ADAMTSL3: variants seen among roughly 807,000 people sequenced by gnomAD.
ADAMTSL3 encodes the protein ADAMTS like 3.
In ADAMTSL3, 128 loss-of-function variants were observed where a neutral mutation model predicts 201.7. The ratio of observed to expected loss-of-function variants is 0.63; its 90% confidence interval spans 0.55 to 0.73. The LOEUF is 0.73. Among genes scored for constraint, ADAMTSL3 ranks in the 30% least tolerant of loss-of-function variants. The probability of loss-of-function intolerance (pLI) is 0.00; values close to 1 mark genes in which losing one functional copy is unlikely to be tolerated. For synonymous variants in ADAMTSL3, 738 were observed against 748.4 expected (o/e 0.99, Z 0.23); for missense variants, 1,990 against 2,119.6 (o/e 0.94, Z 1.20).
intron 4 of ADAMTSL3, among the ~76,000 whole-genome samples, chr15:83,800,119 TA>T (rs1423947289): frequency 6.7e-6 from 1 of 148,590 alleles, no homozygotes; most frequent in African/African-American, 2.6e-5. Flanking sequence ...TGGTTGGGTT[TA>T]AAAATAAAAA....
At chr15:83,751,874 G>A (rs2062642120) in intron 3 of ADAMTSL3, among the ~76,000 whole-genome samples, 1 of 151,928 alleles carries the variant, frequency 6.6e-6, no homozygotes, top group Non-Finnish European at 1.5e-5. Context: ...AATAGTTTGG[G>A]GGCAAATACC....
intron 3 of ADAMTSL3, among the ~76,000 whole-genome samples, chr15:83,705,567 G>A (rs2061838578): frequency 3.9e-5 from 6 of 152,226 alleles, no homozygotes; most frequent in Admixed American, 3.9e-4. Context: ...CTGGAGCTAG[G>A]CAGAGTGCTG....
chr15:83,853,052 G>A (rs1596316057), intron 7 of ADAMTSL3, among the ~76,000 whole-genome samples: 1 of 151,756 alleles, frequency 6.6e-6, no homozygotes, highest in Non-Finnish European at 1.5e-5. Context: ...ATGGGGTTTC[G>A]CCATGTTGGC....
At chr15:83,791,585 G>T (rs902822489) in intron 4 of ADAMTSL3, among the ~76,000 whole-genome samples, 1 of 152,154 alleles carries the variant, frequency 6.6e-6, no homozygotes, top group Non-Finnish European at 1.5e-5. Context: ...AACGCCAGGC[G>T]CAGTGGCTCA....
chr15:83,877,761 C>T (rs1017059403), intron 9 of ADAMTSL3, among the ~76,000 whole-genome samples: 79 of 152,186 alleles, frequency 5.2e-4, no homozygotes, highest in African/African-American at 1.8e-3. Context: ...TAAAATTTCT[C>T]TCAATAATGT....
chr15:83,761,862 CA>C (rs2062812784), intron 3 of ADAMTSL3, among the ~76,000 whole-genome samples: 1 of 152,098 alleles, frequency 6.6e-6, no homozygotes, highest in African/African-American at 2.4e-5. Flanking sequence ...TAGAAAAGAA[CA>C]AGCTACTTGT....
intron 4 of ADAMTSL3, among the ~76,000 whole-genome samples, chr15:83,782,470 C>A (rs2063187261): frequency 6.6e-6 from 1 of 151,982 alleles, no homozygotes; most frequent in Admixed American, 6.6e-5. Flanking sequence ...GAGTGAGACT[C>A]CTCCTCCTCA....
intron 21 of ADAMTSL3, among the ~76,000 whole-genome samples, chr15:83,986,572 A>G (rs1006701797): frequency 5.9e-5 from 9 of 152,202 alleles, no homozygotes; most frequent in African/African-American, 2.2e-4. Flanking sequence ...TTTTCCTCCA[A>G]AACCTACCCA....
At chr15:83,872,619 C>CAA (rs2065102653) in intron 9 of ADAMTSL3, among the ~76,000 whole-genome samples, 1 of 113,562 alleles carries the variant, frequency 8.8e-6, no homozygotes, top group Non-Finnish European at 1.9e-5. Flanking sequence ...CACACACACA[C>CAA]ACACACACAG....
chr15:83,908,614 G>C (rs2065881174), intron 15 of ADAMTSL3, among the ~76,000 whole-genome samples: 1 of 152,114 alleles, frequency 6.6e-6, no homozygotes, highest in Admixed American at 6.5e-5. Flanking sequence ...TCCTGGTTTT[G>C]AATGTTGTGT....
At chr15:83,990,523 G>A (rs2067563257) in intron 22 of ADAMTSL3, among the ~76,000 whole-genome samples, 1 of 152,108 alleles carries the variant, frequency 6.6e-6, no homozygotes, top group Admixed American at 6.5e-5. Context: ...TGTTTACATT[G>A]GAAAAAACCT....
chr15:83,837,517 A>G (rs1340977813), intron 6 of ADAMTSL3, among the ~76,000 whole-genome samples: 1 of 152,120 alleles, frequency 6.6e-6, no homozygotes, highest in Non-Finnish European at 1.5e-5. Context: ...AGTGTGGTAC[A>G]TGCCTGTAAT....
intron 2 of ADAMTSL3, among the ~76,000 whole-genome samples, chr15:83,666,951 AAG>A (rs1407231418): frequency 1.3e-5 from 2 of 152,044 alleles, no homozygotes; most frequent in Non-Finnish European, 2.9e-5. Context: ...CTCATATACA[AAG>A]AGTATTAATT....
At chr15:83,918,068 A>G (rs1167922520) in intron 16 of ADAMTSL3, among the ~76,000 whole-genome samples, 2 of 152,238 alleles carry the variant, frequency 1.3e-5, no homozygotes, top group South Asian at 2.1e-4. Flanking sequence ...TATTTTTATG[A>G]GTTTTCTAAG....
chr15:83,750,706 C>G (rs894310497), intron 3 of ADAMTSL3, among the ~76,000 whole-genome samples: 8 of 152,090 alleles, frequency 5.3e-5, no homozygotes, highest in Non-Finnish European at 1.2e-4. Context: ...CACGTGCCAC[C>G]ACACCCAGCT....
intron 7 of ADAMTSL3, among the ~76,000 whole-genome samples, chr15:83,855,455 G>A (rs549694283): frequency 6.6e-6 from 1 of 152,266 alleles, no homozygotes; most frequent in African/African-American, 2.4e-5. Context: ...ATAAACCAAA[G>A]ACAGCTTTGT....
intron 4 of ADAMTSL3, among the ~76,000 whole-genome samples, chr15:83,789,225 T>C (rs1021918855): frequency 3.3e-5 from 5 of 152,226 alleles, no homozygotes; most frequent in African/African-American, 1.2e-4. Flanking sequence ...ATTTTTTCAC[T>C]CTCTTTACTA....
chr15:83,704,018 ACAC>A (rs2061812693), intron 2 of ADAMTSL3, among the ~76,000 whole-genome samples: 4 of 145,884 alleles, frequency 2.7e-5, no homozygotes, highest in Non-Finnish European at 4.5e-5. Flanking sequence ...AAAAAAAAAA[ACAC>A]AAAAGGAAGA....
chr15:83,735,649 C>T (rs2062358252), intron 3 of ADAMTSL3, among the ~76,000 whole-genome samples: 1 of 151,698 alleles, frequency 6.6e-6, no homozygotes, highest in African/African-American at 2.4e-5. Context: ...TGTTGGTAAT[C>T]TCACTAACTT....
Sources: allele counts gnomAD v4.1 joint callset (sites outside exome capture counted in the v4.1 genomes callset), GRCh38; gene constraint gnomAD v4.1.1; transcripts MANE v1.5; gene names NCBI Gene and HGNC (gene_info 2026-07-23, HGNC 2026-07-21).